The following LAMA2 variants were observed in gnomAD, a reference collection of about 807,000 sequenced individuals.
The protein encoded by LAMA2 is laminin subunit alpha 2.
A neutral mutation model predicts 364.8 loss-of-function variants in LAMA2; 269 were observed. The ratio of observed to expected loss-of-function variants is 0.74; its 90% CI spans 0.67 to 0.82. The LOEUF is 0.82. LAMA2 is among the 40% of genes least tolerant of loss of function. The pLI is 0.00. For missense variants in LAMA2, 3,807 were observed against 3,873.2 expected, an observed-to-expected ratio of 0.98 and a Z score of 0.45; for synonymous variants, 1,379 against 1,370.6, an observed-to-expected ratio of 1.01 and a Z score of -0.14.
chr6:129,504,116 A>G (rs1178609059), intron 60 of LAMA2, among the ~76,000 whole-genome samples: 2 of 152,246 alleles, frequency 1.3e-5, no homozygotes, highest in African/African-American at 4.8e-5. Flanking sequence ...ATGTTAACAT[A>G]CTTTGACTTG....
intron 37 of LAMA2, among the ~76,000 whole-genome samples, chr6:129,400,621 T>A (rs1244133995): frequency 6.6e-6 from 1 of 152,168 alleles, no homozygotes; most frequent in African/African-American, 2.4e-5. Context: ...CTCACTGATT[T>A]TACTCTTCTA....
At chr6:129,413,748 G>A (rs1349153162) in intron 40 of LAMA2, among the ~76,000 whole-genome samples, 1 of 152,136 alleles carries the variant, frequency 6.6e-6, no homozygotes, top group Non-Finnish European at 1.5e-5. Context: ...CTCAAAATTT[G>A]TGTGTGCAAA....
At chr6:129,095,119 A>G (rs956776895) in intron 3 of LAMA2, among the ~76,000 whole-genome samples, 6 of 152,324 alleles carry the variant, frequency 3.9e-5, no homozygotes, top group African/African-American at 1.4e-4. Flanking sequence ...CCCATTTCTC[A>G]TTTGCCTGAA....
intron 1 of LAMA2, among the ~76,000 whole-genome samples, chr6:128,918,393 CA>C (rs1253145160): frequency 6.6e-6 from 1 of 152,106 alleles, no homozygotes; most frequent in Non-Finnish European, 1.5e-5. Flanking sequence ...AAACCTAATA[CA>C]TTTTTATCAT....
intron 10 of LAMA2, among the ~76,000 whole-genome samples, chr6:129,181,866 C>A (rs1424046025): frequency 2.6e-5 from 4 of 151,718 alleles, no homozygotes; most frequent in South Asian, 4.2e-4. Context: ...AATAAGTCTA[C>A]CCCTAGTAGA....
intron 3 of LAMA2, among the ~76,000 whole-genome samples, chr6:129,079,263 A>G (rs1016138934): frequency 2.0e-5 from 3 of 152,070 alleles, no homozygotes; most frequent in Non-Finnish European, 4.4e-5. Context: ...ATATTGTTGT[A>G]TTTTTTATTA....
chr6:129,475,864 T>G (rs892066117), intron 53 of LAMA2, among the ~76,000 whole-genome samples: 3 of 152,158 alleles, frequency 2.0e-5, no homozygotes, highest in African/African-American at 7.2e-5. Flanking sequence ...CTTCTTGCTT[T>G]TTGCAGGCCT....
intron 41 of LAMA2, among the ~76,000 whole-genome samples, chr6:129,436,119 A>G (rs941846290): frequency 1.3e-5 from 2 of 152,196 alleles, no homozygotes; most frequent in African/African-American, 4.8e-5. Context: ...AAAACATTGA[A>G]AAACAGAAAT....
intron 35 of LAMA2, among the ~76,000 whole-genome samples, chr6:129,384,825 A>C (rs1562514342): frequency 6.6e-6 from 1 of 151,890 alleles, no homozygotes; most frequent in Non-Finnish European, 1.5e-5. Context: ...GTCTGTCCAG[A>C]TAGGGCACCC....
chr6:129,110,791 G>A (rs1045884610), intron 4 of LAMA2, among the ~76,000 whole-genome samples: 3 of 151,922 alleles, frequency 2.0e-5, no homozygotes, highest in Non-Finnish European at 4.4e-5. Flanking sequence ...GAACACTTAG[G>A]TCCAATCAGT....
chr6:129,133,454 G>C (rs1051008062), intron 4 of LAMA2, among the ~76,000 whole-genome samples: 1 of 152,152 alleles, frequency 6.6e-6, no homozygotes, highest in Non-Finnish European at 1.5e-5. Flanking sequence ...ACTAAGAGGA[G>C]AGGGAAAGGT....
chr6:128,950,166 G>A (rs1303707849), intron 1 of LAMA2, among the ~76,000 whole-genome samples: 1 of 152,152 alleles, frequency 6.6e-6, no homozygotes, highest in Non-Finnish European at 1.5e-5. Context: ...GAAACAGAGG[G>A]CAGAAATGAA....
intron 30 of LAMA2, among the ~76,000 whole-genome samples, chr6:129,348,186 G>A (rs190530167): frequency 1.3e-5 from 2 of 152,288 alleles, no homozygotes; most frequent in East Asian, 1.9e-4. Flanking sequence ...TGGATAATGC[G>A]TTTGTGAGTA....
chr6:129,382,827 C>T (rs967113365), intron 34 of LAMA2, among the ~76,000 whole-genome samples: 8 of 152,198 alleles, frequency 5.3e-5, no homozygotes, highest in African/African-American at 1.4e-4. Flanking sequence ...GCATCTGTAC[C>T]TTAAAGATAT....
At chr6:128,895,234 C>G (rs1388095902) in intron 1 of LAMA2, among the ~76,000 whole-genome samples, 1 of 152,132 alleles carries the variant, frequency 6.6e-6, no homozygotes, top group Non-Finnish European at 1.5e-5. Context: ...AAATCTCTGC[C>G]ATATCATCTG....
chr6:129,140,623 G>A (rs1364350942), intron 4 of LAMA2, among the ~76,000 whole-genome samples: 1 of 151,992 alleles, frequency 6.6e-6, no homozygotes, highest in African/African-American at 2.4e-5. Context: ...CCCTCTGGCT[G>A]TCACCCCATA....
intron 40 of LAMA2, among the ~76,000 whole-genome samples, chr6:129,414,093 A>AT (rs1158544092): frequency 6.6e-6 from 1 of 152,128 alleles, no homozygotes; most frequent in Non-Finnish European, 1.5e-5. Context: ...ATATTGGAGG[A>AT]TATGCGCAAT....
chr6:129,307,515 A>T (rs973243269), intron 22 of LAMA2, among the ~76,000 whole-genome samples: 2 of 152,188 alleles, frequency 1.3e-5, no homozygotes, highest in Admixed American at 6.5e-5. Flanking sequence ...CTCAGCTATA[A>T]TGCGGGCTTT....
intron 16 of LAMA2, 92 bp from the exon 17 acceptor site, chr6:129,270,532 G>A (rs1787850367): frequency 8.0e-7 from 1 of 1,253,038 alleles, no homozygotes. Context: ...TTGCTGGCAG[G>A]GAGCAGACTA....
Sources: gnomAD v4.1 joint callset for allele counts (sites outside exome capture counted in the v4.1 genomes callset) on GRCh38, gnomAD v4.1.1 for gene constraint, MANE v1.5 for transcripts, NCBI Gene and HGNC (gene_info 2026-07-23, HGNC 2026-07-21) for gene names.